MTFMT: variants seen among roughly 807,000 people sequenced by gnomAD.
MTFMT encodes mitochondrial methionyl-tRNA formyltransferase, also known as methionyl-tRNA formyltransferase, mitochondrial.
A neutral mutation model predicts 51.8 loss-of-function variants in MTFMT; 47 were observed. The observed-to-expected ratio is 0.91, with a 90% CI of 0.72 to 1.16. The LOEUF (loss-of-function observed/expected upper bound fraction) is 1.16, where lower values mean the gene tolerates loss of function less well. Among genes scored for constraint, MTFMT ranks in the 50% most tolerant of loss-of-function variants. MTFMT has a pLI of 0.00. For missense variants in MTFMT, 512 were observed against 482.3 expected (o/e 1.06, Z -0.58); for synonymous variants, 196 against 176.7 (o/e 1.11, Z -0.87).
chr15:65,025,252 A>G (rs992718053), intron 2 of MTFMT, among the ~76,000 whole-genome samples: 19 of 147,820 alleles, frequency 1.3e-4, no homozygotes, highest in African/African-American at 4.4e-4. Context: ...AAAAAAAAAA[A>G]GAGTTAGCTG....
intron 8 of MTFMT, among the ~76,000 whole-genome samples, chr15:65,004,110 G>A (rs1043522612): frequency 5.9e-5 from 9 of 151,482 alleles, no homozygotes; most frequent in Middle Eastern, 3.4e-3. Flanking sequence ...TCCGCTTCCC[G>A]GGCTCAAGCG....
At chr15:65,025,466 TGA>T (rs1367253157) in intron 2 of MTFMT, among the ~76,000 whole-genome samples, 1 of 152,042 alleles carries the variant, frequency 6.6e-6, no homozygotes, top group Non-Finnish European at 1.5e-5. Context: ...GGTAAAAGAC[TGA>T]GAGGGCCAAG....
chr15:65,020,192 C>G lies in MTFMT; in HGVS notation c.721+5G>C. On this transcript the variant is annotated splice_donor_5th_base_variant and intron_variant, in intron 5 of 8. Coordinates refer to ENST00000220058, the MANE Select transcript of MTFMT (RefSeq NM_139242.4). ...AAGATGAGAGTCTCTGCAGCCTTCA[C>G]TCACCGTAAGTCGCCCCCTCCATTG... The G allele has an allele frequency of 1.2e-6, 2 of 1,610,880 alleles. No homozygotes were observed. Among genetic ancestry groups the G allele is most frequent in the Middle Eastern group, 3.3e-4 (2 of 6,058 alleles).
intron 2 of MTFMT, 107 bp downstream of exon 2, chr15:65,026,722 AAG>A: frequency 1.1e-6 from 1 of 905,360 alleles, no homozygotes; most frequent in Non-Finnish European, 1.6e-6. Context: ...AAAATAAAAA[AAG>A]AAAATATTAC....
At position 65,020,206 on chromosome 15, in the gene MTFMT, C is replaced by T. The variant is rs757263139; in HGVS notation, c.712G>A (p.Ala238Thr). The change falls in exon 5 of 9, where the codon GCG (alanine) becomes ACG (threonine). Residue 238 changes from alanine to threonine, a missense_variant. Ala to Thr is a moderately conservative substitution (Grantham distance 58). Transcript: ENST00000220058. ...TGCAGCCTTCACTCACCGTAAGTCG[C>T]CCCCTCCATTGGCTGCTGCCTTCCA... ...SNGRQQPMEG[A>T]TYAPKISAGT... is the part of the protein sequence containing the mutation. The T allele has an allele frequency of 3.7e-6, 6 of 1,612,634 alleles. No individual in the cohort carries two copies. In the East Asian group the frequency reaches 1.1e-4, roughly 30 times the overall value.
intron 6 of MTFMT, among the ~76,000 whole-genome samples, chr15:65,013,998 A>G (rs533623593): frequency 2.0e-5 from 3 of 152,136 alleles, no homozygotes; most frequent in South Asian, 2.1e-4. Context: ...CCACTTAGTC[A>G]TCATGTATAA....
chr15:65,024,155 C>T (rs2086400560), intron 2 of MTFMT, among the ~76,000 whole-genome samples: 1 of 152,028 alleles, frequency 6.6e-6, no homozygotes, highest in Admixed American at 6.6e-5. Flanking sequence ...GGAGAAACCC[C>T]ATCTCTACTA....
In MTFMT at chr15:65,029,467, C is replaced by T; in HGVS notation, c.147G>A (p.Arg49=). The T allele has an allele frequency of 6.5e-7, 1 of 1,533,262 alleles. No individual in the cohort carries two copies. The highest frequency in any genetic ancestry group is 1.2e-5 in the South Asian group (1 of 82,084). 95.0% of individuals were successfully genotyped at this position (1,533,262 alleles called of 1,614,324 possible). Residue 49 remains arginine (R), a synonymous_variant, in exon 1 of 9, where the codon CGG becomes CGA. Transcript: ENST00000220058. ...DSRVREKPPW[R]VLFFGTDQFA... ...ACTGGTCCGTGCCGAAGAAGAGCACCCGCCAGGGAGGCTTCTCGCGGACTC... is the reference window on the plus strand; with the variant it reads ...ACTGGTCCGTGCCGAAGAAGAGCACTCGCCAGGGAGGCTTCTCGCGGACTC...
chr15:65,021,422 A>G (rs1306669704), intron 4 of MTFMT, 92 bp downstream of exon 4: 1 of 928,304 alleles, frequency 1.1e-6, no homozygotes, highest in African/African-American at 1.7e-5. Flanking sequence ...GTTTTTAAGA[A>G]AATTAGAAGT....
At chr15:65,012,246 A>G (rs2086274910) in intron 6 of MTFMT, among the ~76,000 whole-genome samples, 2 of 151,514 alleles carry the variant, frequency 1.3e-5, no homozygotes, top group African/African-American at 2.4e-5. Context: ...AACATGGCAC[A>G]TGTATACATA....
At chr15:65,015,675 A>G (rs779803868) in intron 6 of MTFMT, among the ~76,000 whole-genome samples, 1 of 152,108 alleles carries the variant, frequency 6.6e-6, no homozygotes, top group Non-Finnish European at 1.5e-5. Context: ...CGTCTCTACA[A>G]AAAAATACAA....
chr15:65,007,353 G>C (rs923554594), intron 6 of MTFMT, among the ~76,000 whole-genome samples: 13 of 152,122 alleles, frequency 8.5e-5, no homozygotes, highest in South Asian at 4.1e-4. Flanking sequence ...AAGGACTTTT[G>C]TTATGTGACC....
chr15:65,005,897 C>G (rs2086216248), intron 7 of MTFMT, among the ~76,000 whole-genome samples: 1 of 152,076 alleles, frequency 6.6e-6, no homozygotes, highest in Admixed American at 6.5e-5. Context: ...CGTGAGCCAC[C>G]GCGCCTGGCC....
rs536213292 is a variant in MTFMT, at chr15:65,011,485, C to CTTTTTTTT, written c.813+4943_813+4950dup. Among the ~76,000 whole-genome samples the CTTTTTTTT allele has an allele frequency of 2.2e-4, 16 of 74,102 alleles. 2 individuals are homozygous for CTTTTTTTT. Among genetic ancestry groups the CTTTTTTTT allele is most frequent in the African/African-American group, 5.9e-4 (9 of 15,368 alleles). The allele number at this position is 74,102 out of a possible 152,430, so 48.6% of individuals were successfully genotyped here. A position where few individuals can be genotyped will look rare whatever the true frequency, so the allele number is the denominator to read the frequency against. Reference sequence around the variant, plus strand: ...TATTCCCTCCCATTCTGTAAGCTGTCTTTTTTTTTTTTTTTTTTTTTTTTT... The same window carrying CTTTTTTTT: ...TATTCCCTCCCATTCTGTAAGCTGTCTTTTTTTTTTTTTTTTTTTTTTTTTTTTTTTTT... On this transcript the variant is annotated intron_variant, in intron 6 of 8. Coordinates refer to ENST00000220058, the MANE Select transcript of MTFMT (RefSeq NM_139242.4).
At chr15:65,010,259 C>T (rs1330270143) in intron 6 of MTFMT, among the ~76,000 whole-genome samples, 1 of 152,120 alleles carries the variant, frequency 6.6e-6, no homozygotes, top group African/African-American at 2.4e-5. Context: ...CCTTTTGAAG[C>T]TTCCAAGTCA....
chr15:65,010,529 T>G (rs990414293), intron 6 of MTFMT, among the ~76,000 whole-genome samples: 1 of 152,192 alleles, frequency 6.6e-6, no homozygotes, highest in African/African-American at 2.4e-5. Context: ...GTCATAAGCA[T>G]GTGATTATGG....
chr15:65,029,235 C>T, intron 1 of MTFMT, 170 bp downstream of exon 1: 2 of 982,784 alleles, frequency 2.0e-6, no homozygotes, highest in Non-Finnish European at 1.2e-6. Context: ...AAAGGCTGAC[C>T]GGCGGGAATG....
At chr15:65,008,785 C>T (rs970863259) in intron 6 of MTFMT, among the ~76,000 whole-genome samples, 2 of 152,234 alleles carry the variant, frequency 1.3e-5, no homozygotes, top group East Asian at 1.9e-4. Flanking sequence ...AGTTCTGAAA[C>T]GATTTTCATA....
chr15:65,024,005 A>T (rs1260350119), intron 2 of MTFMT, among the ~76,000 whole-genome samples: 1 of 152,214 alleles, frequency 6.6e-6, no homozygotes, highest in Admixed American at 6.5e-5. Context: ...TTAATTAAAA[A>T]CAGAGCTAGG....
Sources: gnomAD v4.1 joint callset for allele counts (sites outside exome capture counted in the v4.1 genomes callset) on GRCh38, gnomAD v4.1.1 for gene constraint, MANE v1.5 for transcripts, NCBI Gene and HGNC (gene_info 2026-07-23, HGNC 2026-07-21) for gene names.